The following INHBA variants were observed in gnomAD, a reference collection of about 807,000 sequenced individuals.
INHBA encodes inhibin beta A chain.
INHBA carries 1 observed loss-of-function variant against 29.0 expected under a neutral mutation model. The observed-to-expected ratio is 0.03, with a 90% CI of 0.01 to 0.16. INHBA has a LOEUF of 0.16. INHBA is among the 10% of genes least tolerant of loss of function. INHBA has a pLI of 1.00. For synonymous variants in INHBA, 242 were observed against 216.8 expected (o/e 1.12, Z -1.02); for missense variants, 376 against 545.4 (o/e 0.69, Z 3.09).
At chr7:41,693,356 AG>A (rs1211108563) in intron 2 of INHBA, among the ~76,000 whole-genome samples, 1 of 152,226 alleles carries the variant, frequency 6.6e-6, no homozygotes, top group African/African-American at 2.4e-5. Flanking sequence ...ACCCGCATGC[AG>A]TGGACTTTCC....
chr7:41,693,179 G>A (rs539717259), intron 2 of INHBA, among the ~76,000 whole-genome samples: 2 of 152,352 alleles, frequency 1.3e-5, no homozygotes, highest in Non-Finnish European at 2.9e-5. Flanking sequence ...AGGGCACAAG[G>A]TTGGGTTTTG....
chr7:41,687,976 G>A lies in INHBA; in HGVS notation c.*1674C>T, dbSNP rs1463584460. 1 of 152,196 alleles carries A rather than the reference G, an allele frequency of 6.6e-6. No individual in the cohort carries two copies. The highest frequency in any genetic ancestry group is 1.5e-5 in the Non-Finnish European group (1 of 68,036). The allele number at this position is 152,196 out of a possible 1,614,324, so 9.4% of individuals were successfully genotyped here. A position where few individuals can be genotyped will look rare whatever the true frequency, so the allele number is the denominator to read the frequency against. On this transcript the variant is annotated 3_prime_UTR_variant, in exon 3 of 3. Coordinates refer to ENST00000242208, the MANE Select transcript of INHBA (RefSeq NM_002192.4). ...TGGGAGGGGGCACAAAAAAGAGGAG[G>A]AAATTTGATCCCTGTACAATGAAAG...
In INHBA at chr7:41,689,312, A is replaced by C; in HGVS notation, c.*338T>G. ...TGGTTGATTCAAGGCTCACAAGGGA[A>C]CCTCAAGGGGGGAAAGGACAATACC... On this transcript the variant is annotated 3_prime_UTR_variant, in exon 3 of 3. Coordinates refer to ENST00000242208, the MANE Select transcript of INHBA (RefSeq NM_002192.4). The C allele has an allele frequency of 3.7e-6, 1 of 273,784 alleles. No homozygotes were observed. Among genetic ancestry groups the C allele is most frequent in the Non-Finnish European group, 6.9e-6 (1 of 145,814 alleles). 17.0% of individuals were successfully genotyped at this position (273,784 alleles called of 1,614,324 possible).
intron 2 of INHBA, among the ~76,000 whole-genome samples, chr7:41,697,326 G>C (rs147072869): frequency 3.2e-4 from 48 of 152,318 alleles, no homozygotes; most frequent in African/African-American, 1.2e-3. Flanking sequence ...ATTTCAGAGA[G>C]CCTTAGAGTG....
At chr7:41,701,855 C>T (rs191220226) in intron 1 of INHBA, among the ~76,000 whole-genome samples, 126 of 152,260 alleles carry the variant, frequency 8.3e-4, no homozygotes, top group African/African-American at 2.9e-3. Context: ...TAGACAGCCT[C>T]CTTGACTGCT....
upstream of INHBA, among the ~76,000 whole-genome samples, chr7:41,704,126 G>T (rs1414748575): frequency 3.3e-5 from 5 of 152,210 alleles, no homozygotes; most frequent in Non-Finnish European, 7.3e-5. Flanking sequence ...ATGTTGTTTT[G>T]TATGCAGGAT....
chr7:41,703,765 A>AC (rs1794848604), upstream of INHBA, among the ~76,000 whole-genome samples: 2 of 96,802 alleles, frequency 2.1e-5, no homozygotes, highest in East Asian at 2.7e-4. Flanking sequence ...CTAACTAACC[A>AC]AACACACACA....
chr7:41,701,644 C>T (rs749283087), intron 1 of INHBA, among the ~76,000 whole-genome samples: 117 of 152,298 alleles, frequency 7.7e-4, no homozygotes, highest in Non-Finnish European at 9.6e-4. Context: ...TACAGCCTAC[C>T]ACCACTCGCC....
chr7:41,698,589 G>C (rs764413536), intron 2 of INHBA, among the ~76,000 whole-genome samples: 2 of 152,156 alleles, frequency 1.3e-5, no homozygotes, highest in African/African-American at 4.8e-5. Flanking sequence ...TTTTGGGGCT[G>C]GGTTAAGAAA....
At position 41,690,072 on chromosome 7, in the gene INHBA, G is replaced by C. The variant is rs1464988141; in HGVS notation, c.859C>G (p.Gln287Glu). Residue 287 changes from glutamine to glutamate, a missense_variant, in exon 3 of 3, where the codon CAG becomes GAG. Coordinates refer to ENST00000242208, the MANE Select transcript of INHBA (RefSeq NM_002192.4). ...AGCATGAGGAAAGGTCTGTGCGACT[G>C]CTCCTTTTCCTCATCTGCTCCTGCC... Reference protein sequence around the residue: ...GGAGADEEKEQSHRPFLMLQA... With the variant: ...GGAGADEEKEESHRPFLMLQA... 6 of 1,613,906 alleles carry C rather than the reference G, an allele frequency of 3.7e-6. No homozygotes were observed. The Admixed American group carries it at 1.0e-4, about 27-fold the overall frequency.
Position 41,685,891 on chromosome 7 carries a change from G to A in INHBA, c.*3759C>T, listed in dbSNP as rs1794385501. The A allele has an allele frequency of 6.6e-6, 1 of 152,014 alleles. No individual in the cohort carries two copies. Among genetic ancestry groups the A allele is most frequent in the Non-Finnish European group, 1.5e-5 (1 of 67,972 alleles). The allele number at this position is 152,014 out of a possible 1,614,324, so 9.4% of individuals were successfully genotyped here. On this transcript the variant is annotated 3_prime_UTR_variant, in exon 3 of 3. Transcript: ENST00000242208. ...CACATCTACAAGTTTTATTTATTTT[G>A]TGGGTTTTCAGGGTGACTAAGTTTT...
At chr7:41,696,896 C>A (rs1285333693) in intron 2 of INHBA, among the ~76,000 whole-genome samples, 1 of 152,110 alleles carries the variant, frequency 6.6e-6, no homozygotes, top group African/African-American at 2.4e-5. Context: ...AACACCTAGG[C>A]TACGTGAGCA....
upstream of INHBA, among the ~76,000 whole-genome samples, chr7:41,704,337 A>G (rs2128672500): frequency 6.6e-6 from 1 of 151,678 alleles, no homozygotes; most frequent in South Asian, 2.1e-4. Context: ...AGAACTGCAT[A>G]TGCAGAAATG....
At chr7:41,704,439 T>C (rs1373410586), upstream of INHBA, among the ~76,000 whole-genome samples, 1 of 152,168 alleles carries the variant, frequency 6.6e-6, no homozygotes, top group Non-Finnish European at 1.5e-5. Context: ...ACTCCAAACC[T>C]GCCCCTCAGC....
At chr7:41,703,792 C>T (rs1317558036), upstream of INHBA, among the ~76,000 whole-genome samples, 1 of 114,748 alleles carries the variant, frequency 8.7e-6, no homozygotes, top group Non-Finnish European at 2.0e-5. Flanking sequence ...CACACACACA[C>T]AACAACAACA....
intron 2 of INHBA, chr7:41,691,839 C>G (rs1794530618): frequency 6.6e-6 from 1 of 152,180 alleles, no homozygotes; most frequent in Non-Finnish European, 1.5e-5. Context: ...GCGTCCTTAG[C>G]ATTGAGTTCT....
rs1794416239 is a variant in INHBA, at chr7:41,687,678, CCTTACTCTCCCTCTCTTAACACTTTCT to C, written c.*1945_*1971del. On this transcript the variant is annotated 3_prime_UTR_variant, in exon 3 of 3. Coordinates refer to ENST00000242208, the MANE Select transcript of INHBA (RefSeq NM_002192.4). ...TCTGCCTCCTCTTAACTGTTCTCTT[CCTTACTCTCCCTCTCTTAACACTTTCT>C]CTCAAATTAATTATCTTTTAGTTAG... 6.6e-6 allele frequency: 1 copy of C among 152,094 alleles called. No individual in the cohort carries two copies. Among genetic ancestry groups the C allele is most frequent in the Admixed American group, 6.5e-5 (1 of 15,268 alleles). The allele number at this position is 152,094 out of a possible 1,614,324, so 9.4% of individuals were successfully genotyped here.
chr7:41,688,607 T>A lies in INHBA; in HGVS notation c.*1043A>T, dbSNP rs998845116. 1.3e-5 allele frequency: 2 copies of A among 151,524 alleles called. No homozygotes were observed. Among genetic ancestry groups the A allele is most frequent in the African/African-American group, 4.8e-5 (2 of 41,278 alleles). The allele number at this position is 151,524 out of a possible 1,614,324, so 9.4% of individuals were successfully genotyped here. A position where few individuals can be genotyped will look rare whatever the true frequency, so the allele number is the denominator to read the frequency against. On this transcript the variant is annotated 3_prime_UTR_variant, in exon 3 of 3. Coordinates refer to ENST00000242208, the MANE Select transcript of INHBA (RefSeq NM_002192.4). ...TGTAGCAGTTCTTTTATAGCTCACA[T>A]TAAGTGCAGCTCTTAAACCCCACCC...
rs780414158 is a variant in INHBA at position 41,690,108 on chromosome 7, C to T, written c.823G>A (p.Gly275Ser). 1.9e-6 allele frequency: 3 copies of T among 1,613,774 alleles called. No homozygotes were observed. Among genetic ancestry groups the T allele is most frequent in the East Asian group, 2.2e-5 (1 of 44,796 alleles). Reference sequence around the variant, plus strand: ...TCATCTGCTCCTGCCCCACCTTCACCTCCGCCCTTCTTTTTCCCTTCCCCC... The same window carrying T: ...TCATCTGCTCCTGCCCCACCTTCACTTCCGCCCTTCTTTTTCCCTTCCCCC... ...EEGEGKKKGG[G>S]EGGAGADEEK... Residue 275 changes from glycine to serine, a missense_variant, in exon 3 of 3, where the codon GGT becomes AGT. Coordinates refer to ENST00000242208, the MANE Select transcript of INHBA (RefSeq NM_002192.4).
Sources: allele counts gnomAD v4.1 joint callset (sites outside exome capture counted in the v4.1 genomes callset), GRCh38; gene constraint gnomAD v4.1.1; transcripts MANE v1.5; gene names NCBI Gene and HGNC (gene_info 2026-07-23, HGNC 2026-07-21).